The following AUTS2 variants were observed in gnomAD, a reference collection of about 807,000 sequenced individuals.
AUTS2 encodes the protein autism susceptibility gene 2 protein.
A neutral mutation model predicts 112.4 loss-of-function variants in AUTS2; 17 were observed. That is an observed-to-expected ratio of 0.15 (90% CI 0.10 to 0.23). The LOEUF (loss-of-function observed/expected upper bound fraction) is 0.23. AUTS2 is among the 10% of genes least tolerant of loss of function. AUTS2 has a pLI of 1.00. For synonymous variants in AUTS2, 751 were observed against 702.7 expected, an observed-to-expected ratio of 1.07 and a Z score of -1.09; for missense variants, 1,510 against 1,701.6, an observed-to-expected ratio of 0.89 and a Z score of 1.98.
chr7:70,079,141 G>A (rs542753444), intron 2 of AUTS2, among the ~76,000 whole-genome samples: 4 of 152,218 alleles, frequency 2.6e-5, no homozygotes, highest in East Asian at 1.9e-4. Flanking sequence ...GTATCTTTAT[G>A]TACCCCTTAC....
At chr7:69,973,022 A>ATAT (rs1394441232) in intron 2 of AUTS2, among the ~76,000 whole-genome samples, 2 of 151,962 alleles carry the variant, frequency 1.3e-5, no homozygotes, top group African/African-American at 4.8e-5. Context: ...TTAAACCAGG[A>ATAT]TATTGGTTTT....
At chr7:69,759,280 C>T (rs4717522) in intron 1 of AUTS2, among the ~76,000 whole-genome samples, 128,993 of 151,976 alleles carry the variant, frequency 0.85, 54,987 homozygotes, top group African/African-American at 0.93. Flanking sequence ...TTTGAAACAT[C>T]TGTATCTACA....
chr7:69,669,197 T>C (rs1247409480), intron 1 of AUTS2, among the ~76,000 whole-genome samples: 1 of 152,210 alleles, frequency 6.6e-6, no homozygotes, highest in Non-Finnish European at 1.5e-5. Flanking sequence ...TAGAAAATGT[T>C]ATCAGTAATC....
At chr7:70,670,330 T>G (rs1383289997) in intron 5 of AUTS2, among the ~76,000 whole-genome samples, 1 of 152,222 alleles carries the variant, frequency 6.6e-6, no homozygotes, top group Non-Finnish European at 1.5e-5. Flanking sequence ...CTTAGTCAAA[T>G]TATAAATTGA....
At chr7:70,751,076 C>T (rs553152065) in intron 6 of AUTS2, among the ~76,000 whole-genome samples, 5 of 152,258 alleles carry the variant, frequency 3.3e-5, no homozygotes, top group East Asian at 1.9e-4. Flanking sequence ...TATCAAAAGA[C>T]GTGCAAAACA....
intron 1 of AUTS2, among the ~76,000 whole-genome samples, chr7:69,825,125 A>G (rs1791183263): frequency 6.6e-6 from 1 of 152,168 alleles, no homozygotes; most frequent in South Asian, 2.1e-4. Flanking sequence ...TATCTTTTTA[A>G]TATTAATTTT....
chr7:70,436,180 A>T (rs56345571), intron 5 of AUTS2: 6,000 of 175,782 alleles, frequency 0.034, 185 homozygotes, highest in African/African-American at 0.08. Flanking sequence ...ACTGACCCAT[A>T]TGCTTTTCTG....
intron 5 of AUTS2, among the ~76,000 whole-genome samples, chr7:70,587,566 C>A (rs1039673280): frequency 6.6e-6 from 1 of 152,186 alleles, no homozygotes; most frequent in Non-Finnish European, 1.5e-5. Context: ...GCAAGTGATT[C>A]CTGTAAGCTC....
intron 4 of AUTS2, among the ~76,000 whole-genome samples, chr7:70,359,380 T>C (rs1277424402): frequency 6.6e-6 from 1 of 152,230 alleles, no homozygotes; most frequent in Admixed American, 6.5e-5. Context: ...CCATTTCATG[T>C]TGCCATAACA....
At chr7:70,215,045 G>A (rs1178703636) in intron 4 of AUTS2, among the ~76,000 whole-genome samples, 1 of 152,206 alleles carries the variant, frequency 6.6e-6, no homozygotes, top group Non-Finnish European at 1.5e-5. Flanking sequence ...AGCACTTTGA[G>A]CAAGCAAGAT....
At chr7:70,711,841 C>A (rs904939277) in intron 6 of AUTS2, among the ~76,000 whole-genome samples, 1 of 152,170 alleles carries the variant, frequency 6.6e-6, no homozygotes, top group Non-Finnish European at 1.5e-5. Flanking sequence ...TCCCAAGTAC[C>A]GGTGACCCTG....
At chr7:69,747,926 G>C (rs1392709230) in intron 1 of AUTS2, among the ~76,000 whole-genome samples, 4 of 152,022 alleles carry the variant, frequency 2.6e-5, no homozygotes, top group Non-Finnish European at 4.4e-5. Flanking sequence ...AGAGTTCATA[G>C]GGTTTCTTTG....
intron 2 of AUTS2, among the ~76,000 whole-genome samples, chr7:69,984,712 G>C (rs1488350954): frequency 6.6e-6 from 1 of 152,194 alleles, no homozygotes. Context: ...CAGTTTGCCT[G>C]AAAGTGCCAT....
chr7:69,837,949 A>G (rs1036797442), intron 1 of AUTS2, among the ~76,000 whole-genome samples: 3 of 152,142 alleles, frequency 2.0e-5, no homozygotes, highest in African/African-American at 7.2e-5. Flanking sequence ...CCTGCAGCTA[A>G]GGCTCTGGAC....
chr7:70,038,232 A>G (rs913590924), intron 2 of AUTS2, among the ~76,000 whole-genome samples: 1 of 152,230 alleles, frequency 6.6e-6, no homozygotes, highest in East Asian at 1.9e-4. Context: ...AAGCATTTCA[A>G]AGTACCTGGG....
chr7:70,695,702 C>T (rs1809053302), intron 5 of AUTS2, among the ~76,000 whole-genome samples: 1 of 144,228 alleles, frequency 6.9e-6, no homozygotes. Context: ...CGCGTTCCCG[C>T]CTCCAATCTG....
intron 5 of AUTS2, among the ~76,000 whole-genome samples, chr7:70,595,558 G>T (rs148998709): frequency 1.6e-3 from 244 of 152,200 alleles, no homozygotes; most frequent in Non-Finnish European, 2.4e-3. Context: ...AAGGAAGGCA[G>T]CCCCAAGGGC....
intron 1 of AUTS2, among the ~76,000 whole-genome samples, chr7:69,699,291 C>G (rs1797697157): frequency 6.6e-6 from 1 of 152,154 alleles, no homozygotes; most frequent in Non-Finnish European, 1.5e-5. Context: ...ATCCCTGGAC[C>G]TATGTGCCCC....
intron 4 of AUTS2, among the ~76,000 whole-genome samples, chr7:70,321,921 G>A (rs1790273351): frequency 6.6e-6 from 1 of 152,018 alleles, no homozygotes; most frequent in Admixed American, 6.6e-5. Flanking sequence ...TTCCCAAGAA[G>A]CCTGAAAAAC....
Sources: gnomAD v4.1 joint callset for allele counts (sites outside exome capture counted in the v4.1 genomes callset) on GRCh38, gnomAD v4.1.1 for gene constraint, MANE v1.5 for transcripts, NCBI Gene and HGNC (gene_info 2026-07-23, HGNC 2026-07-21) for gene names.